The following KCNIP4 variants were observed in gnomAD, a reference collection of about 807,000 sequenced individuals.
KCNIP4 encodes the protein potassium voltage-gated channel interacting protein 4.
Under a neutral mutation model 34.0 loss-of-function variants are expected in KCNIP4, and 12 were observed. The ratio of observed to expected loss-of-function variants is 0.35; its 90% CI spans 0.23 to 0.57. The LOEUF is 0.57. Among genes scored for constraint, KCNIP4 ranks in the 20% least tolerant of loss-of-function variants. KCNIP4 has a pLI of 0.83. For missense variants in KCNIP4, 238 were observed against 311.7 expected (o/e 0.76, Z 1.78); for synonymous variants, 124 against 102.2 (o/e 1.21, Z -1.29).
intron 1 of KCNIP4, among the ~76,000 whole-genome samples, chr4:20,994,003 C>G (rs76831248): frequency 0.024 from 3,669 of 152,266 alleles, 157 homozygotes; most frequent in African/African-American, 0.084. Flanking sequence ...TTCCATTGCT[C>G]TGACACTGAC....
intron 1 of KCNIP4, among the ~76,000 whole-genome samples, chr4:20,968,933 T>G (rs1397664866): frequency 6.6e-6 from 1 of 151,962 alleles, no homozygotes; most frequent in Non-Finnish European, 1.5e-5. Flanking sequence ...TAATAAAAAA[T>G]AAAAATAAAA....
At chr4:21,804,974 G>A (rs1324521639) in intron 1 of KCNIP4, among the ~76,000 whole-genome samples, 2 of 152,134 alleles carry the variant, frequency 1.3e-5, no homozygotes, top group Non-Finnish European at 2.9e-5. Context: ...CAATGGAGAA[G>A]AAAAAGACCA....
intron 1 of KCNIP4, among the ~76,000 whole-genome samples, chr4:21,583,932 T>C (rs1183129663): frequency 6.6e-5 from 10 of 152,086 alleles, no homozygotes; most frequent in Admixed American, 6.6e-4. Context: ...TTTTCTTGCA[T>C]ATGTTATTTA....
intron 2 of KCNIP4, among the ~76,000 whole-genome samples, chr4:20,858,106 G>C (rs538696160): frequency 4.0e-5 from 6 of 150,920 alleles, no homozygotes; most frequent in African/African-American, 1.5e-4. Flanking sequence ...AGCTACTCGG[G>C]AGGCTGAGGC....
chr4:21,818,429 T>C (rs982670945), intron 1 of KCNIP4, among the ~76,000 whole-genome samples: 20 of 152,206 alleles, frequency 1.3e-4, no homozygotes, highest in Middle Eastern at 3.2e-3. Context: ...GGTGCTGTGT[T>C]TGTGTTTCCC....
At chr4:20,768,627 A>T (rs558124005) in intron 3 of KCNIP4, among the ~76,000 whole-genome samples, 87 of 152,338 alleles carry the variant, frequency 5.7e-4, no homozygotes, top group Non-Finnish European at 1.1e-3. Flanking sequence ...ATCTGATATA[A>T]CAGGTAAGTA....
chr4:21,938,933 C>T (rs1044976937), intron 1 of KCNIP4, among the ~76,000 whole-genome samples: 8 of 152,072 alleles, frequency 5.3e-5, no homozygotes, highest in Non-Finnish European at 7.4e-5. Context: ...GATTGATAAA[C>T]GCATTTTAAA....
intron 1 of KCNIP4, among the ~76,000 whole-genome samples, chr4:21,039,176 A>G (rs994427704): frequency 7.9e-5 from 12 of 152,146 alleles, no homozygotes; most frequent in African/African-American, 2.9e-4. Context: ...TCTGGCCAAC[A>G]TGGTGAAACC....
chr4:21,899,211 A>G (rs999410456), intron 1 of KCNIP4, among the ~76,000 whole-genome samples: 1 of 152,198 alleles, frequency 6.6e-6, no homozygotes, highest in Non-Finnish European at 1.5e-5. Context: ...CAGATTCCAA[A>G]AAAGGCATTT....
intron 1 of KCNIP4, among the ~76,000 whole-genome samples, chr4:21,467,925 C>T (rs571267872): frequency 6.6e-6 from 1 of 152,234 alleles, no homozygotes; most frequent in South Asian, 2.1e-4. Context: ...GTTATCCCAT[C>T]AGTGTGGGCA....
chr4:21,186,912 T>A (rs1472221939), intron 1 of KCNIP4, among the ~76,000 whole-genome samples: 2 of 152,170 alleles, frequency 1.3e-5, no homozygotes, highest in Non-Finnish European at 2.9e-5. Context: ...AGTGCTGGGA[T>A]CACAGGTGTG....
At chr4:21,688,805 C>G (rs1216991762) in intron 1 of KCNIP4, among the ~76,000 whole-genome samples, 1 of 151,892 alleles carries the variant, frequency 6.6e-6, no homozygotes, top group Non-Finnish European at 1.5e-5. Flanking sequence ...AATAATCCCA[C>G]TAATCCTCTC....
chr4:21,839,810 A>G (rs909950973), intron 1 of KCNIP4, among the ~76,000 whole-genome samples: 11 of 152,256 alleles, frequency 7.2e-5, no homozygotes, highest in Non-Finnish European at 1.6e-4. Flanking sequence ...CTTTTTTTGA[A>G]GAATGCGGAC....
chr4:20,892,113 G>A (rs1271284060), intron 1 of KCNIP4, among the ~76,000 whole-genome samples: 7 of 152,116 alleles, frequency 4.6e-5, no homozygotes, highest in Non-Finnish European at 1.0e-4. Flanking sequence ...TGAATATGAG[G>A]AAAATACCTA....
rs116644623 is a variant in KCNIP4 at position 21,436,683 on chromosome 4, C to T, written c.61+511888G>A. 5.6e-3 allele frequency among the ~76,000 whole-genome samples: 858 copies of T among 152,258 alleles called. 1 individual carries two copies. The highest frequency in any genetic ancestry group is 9.5e-3 in the Non-Finnish European group (646 of 68,020). On this transcript the variant is annotated intron_variant, in intron 1 of 8. Coordinates refer to ENST00000382152, the MANE Select transcript of KCNIP4 (RefSeq NM_025221.6). ...AAACTCTCTATACCTCATGTCCATTCCTGTAAAATAGATGGACCTACTGAG... is the reference window on the plus strand; with the variant it reads ...AAACTCTCTATACCTCATGTCCATTTCTGTAAAATAGATGGACCTACTGAG...
intron 1 of KCNIP4, among the ~76,000 whole-genome samples, chr4:21,446,557 T>C (rs1728012386): frequency 7.2e-6 from 1 of 139,330 alleles, no homozygotes; most frequent in Admixed American, 8.3e-5. Flanking sequence ...TTCTCACTTA[T>C]AGGTGGGAAT....
At chr4:20,748,630 T>G (rs1206609215) in intron 5 of KCNIP4, among the ~76,000 whole-genome samples, 1 of 141,144 alleles carries the variant, frequency 7.1e-6, no homozygotes, top group African/African-American at 2.6e-5. Context: ...TAAATGTATA[T>G]ATGGAAAAGA....
At chr4:20,744,604 C>G (rs187107320) in intron 5 of KCNIP4, among the ~76,000 whole-genome samples, 1 of 148,910 alleles carries the variant, frequency 6.7e-6, no homozygotes, top group African/African-American at 2.5e-5. Context: ...ACATCACACA[C>G]GGGGGCCTGA....
At chr4:21,070,014 C>T (rs1383777704) in intron 1 of KCNIP4, among the ~76,000 whole-genome samples, 2 of 152,172 alleles carry the variant, frequency 1.3e-5, no homozygotes, top group African/African-American at 4.8e-5. Flanking sequence ...ACTCCTGACT[C>T]TGGGCAATCA....
Sources: allele counts gnomAD v4.1 joint callset (sites outside exome capture counted in the v4.1 genomes callset), GRCh38; gene constraint gnomAD v4.1.1; transcripts MANE v1.5; gene names NCBI Gene and HGNC (gene_info 2026-07-23, HGNC 2026-07-21).